Variants in THRB observed in about 807,000 individuals in gnomAD.
THRB encodes nuclear receptor subfamily 1 group A member 2.
In THRB, 12 loss-of-function variants were observed where a neutral mutation model predicts 47.8. That is an observed-to-expected ratio of 0.25 (90% CI 0.16 to 0.41). The LOEUF (loss-of-function observed/expected upper bound fraction) is 0.41. Ranked by LOEUF, THRB falls within the 10% of genes least tolerant of loss-of-function variation. The pLI, the probability that THRB is intolerant of heterozygous loss-of-function variation, is 1.00. For missense variants in THRB, 348 were observed against 589.2 expected (o/e 0.59, Z 4.24); for synonymous variants, 218 against 212.2 (o/e 1.03, Z -0.24).
intron 1 of THRB, among the ~76,000 whole-genome samples, chr3:24,391,762 T>C (rs1015116822): frequency 1.3e-5 from 2 of 152,154 alleles, no homozygotes. Flanking sequence ...TTCCCCCAAA[T>C]ACAACTGCCC....
intron 9 of THRB, among the ~76,000 whole-genome samples, chr3:24,129,731 G>C (rs768342590): frequency 6.6e-6 from 1 of 151,416 alleles, no homozygotes. Context: ...AGAGATGCAG[G>C]GATACTCCCA....
At chr3:24,154,163 C>T (rs1289341969) in intron 5 of THRB, among the ~76,000 whole-genome samples, 2 of 152,108 alleles carry the variant, frequency 1.3e-5, no homozygotes, top group African/African-American at 4.8e-5. Flanking sequence ...CACAGCTTTT[C>T]TTAGTTTACT....
intron 2 of THRB, among the ~76,000 whole-genome samples, chr3:24,302,553 T>C (rs2057021366): frequency 2.0e-5 from 3 of 152,334 alleles, no homozygotes; most frequent in South Asian, 4.1e-4. Flanking sequence ...TGGAATGTGC[T>C]TGTCACAGTT....
intron 4 of THRB, among the ~76,000 whole-genome samples, chr3:24,202,248 T>C (rs1488100131): frequency 6.6e-6 from 1 of 152,240 alleles, no homozygotes; most frequent in African/African-American, 2.4e-5. Flanking sequence ...ATGAGTCTTG[T>C]GATTCTTCAT....
intron 5 of THRB, among the ~76,000 whole-genome samples, chr3:24,176,603 AAAT>A (rs2041189104): frequency 6.6e-6 from 1 of 152,184 alleles, no homozygotes; most frequent in African/African-American, 2.4e-5. Flanking sequence ...AATGTTATAA[AAAT>A]AATAAAAGGT....
chr3:24,355,514 G>C (rs575307964), intron 1 of THRB, among the ~76,000 whole-genome samples: 1 of 152,252 alleles, frequency 6.6e-6, no homozygotes, highest in African/African-American at 2.4e-5. Context: ...TCCTGGGTTT[G>C]ATAACCAGCC....
At chr3:24,283,333 CA>C (rs1371176998) in intron 3 of THRB, among the ~76,000 whole-genome samples, 1 of 152,020 alleles carries the variant, frequency 6.6e-6, no homozygotes, top group Non-Finnish European at 1.5e-5. Context: ...AGACAAAAAC[CA>C]CGTGATTATC....
intron 1 of THRB, among the ~76,000 whole-genome samples, chr3:24,340,866 C>T (rs547573290): frequency 3.3e-5 from 5 of 152,128 alleles, no homozygotes; most frequent in African/African-American, 4.8e-5. Flanking sequence ...AGTTAGAATT[C>T]ACATATATCT....
intron 1 of THRB, among the ~76,000 whole-genome samples, chr3:24,464,767 C>T (rs1485227519): frequency 6.6e-6 from 1 of 152,130 alleles, no homozygotes; most frequent in Admixed American, 6.5e-5. Context: ...TGGAGTCAAA[C>T]ATTTTATTTC....
intron 2 of THRB, among the ~76,000 whole-genome samples, chr3:24,303,672 T>C (rs1335130502): frequency 6.6e-6 from 1 of 152,222 alleles, no homozygotes; most frequent in Non-Finnish European, 1.5e-5. Flanking sequence ...AATTGATACA[T>C]TCTCTTACGT....
chr3:24,308,394 T>C (rs1402651903), intron 2 of THRB, among the ~76,000 whole-genome samples: 9 of 152,196 alleles, frequency 5.9e-5, no homozygotes, highest in African/African-American at 2.2e-4. Context: ...GTTTTAAGTG[T>C]CTTTGCCAAG....
intron 2 of THRB, among the ~76,000 whole-genome samples, chr3:24,300,577 A>G (rs1321351891): frequency 6.6e-6 from 1 of 152,190 alleles, no homozygotes; most frequent in African/African-American, 2.4e-5. Context: ...TGGGTCATAT[A>G]TGATATCTCC....
chr3:24,141,314 C>T (rs912360506), intron 8 of THRB, among the ~76,000 whole-genome samples: 1 of 152,196 alleles, frequency 6.6e-6, no homozygotes, highest in African/African-American at 2.4e-5. Flanking sequence ...ATTGTGACCA[C>T]ACAGCACGAA....
rs555129883 is a variant in THRB, at chr3:24,235,210, A to G, written c.-42-6209T>C. Among the ~76,000 whole-genome samples the G allele has an allele frequency of 6.6e-5, 10 of 152,348 alleles. No individual in the cohort carries two copies. The South Asian group carries it at 1.7e-3, about 25-fold the overall frequency. On this transcript the variant is annotated intron_variant, in intron 3 of 10. Coordinates refer to ENST00000646209, the MANE Select transcript of THRB (RefSeq NM_001354712.2). ...GGTCACAAGGCTAGACCAGTGCCAG[A>G]GAGAACACCTCCACTCCTTCTTGTA... is the stretch of plus-strand genomic sequence containing the variant.
chr3:24,240,165 T>G (rs11129141), intron 3 of THRB, among the ~76,000 whole-genome samples: 51,228 of 151,962 alleles, frequency 0.34, 8,736 homozygotes, highest in East Asian at 0.56. Context: ...TCACTCTTTG[T>G]GAGACCATGG....
At chr3:24,316,159 A>G (rs1275579679) in intron 2 of THRB, among the ~76,000 whole-genome samples, 1 of 152,178 alleles carries the variant, frequency 6.6e-6, no homozygotes, top group Non-Finnish European at 1.5e-5. Flanking sequence ...GAAGTCTTAC[A>G]TAAACCTGAC....
chr3:24,189,876 T>A, intron 5 of THRB, 198 bp downstream of exon 5: 1 of 593,022 alleles, frequency 1.7e-6, no homozygotes, highest in East Asian at 2.9e-5. Flanking sequence ...CGAAACAAGC[T>A]GCCTTTCTTT....
intron 3 of THRB, among the ~76,000 whole-genome samples, chr3:24,254,162 G>A (rs1186864963): frequency 1.6e-5 from 2 of 124,226 alleles, no homozygotes; most frequent in Non-Finnish European, 1.6e-5. Flanking sequence ...AGGAGATCGA[G>A]ACCATCCTGG....
intron 2 of THRB, among the ~76,000 whole-genome samples, chr3:24,302,684 A>G (rs1287470825): frequency 6.6e-6 from 1 of 152,220 alleles, no homozygotes; most frequent in Admixed American, 6.5e-5. Context: ...CATCCAGTCC[A>G]TCGGCTAAGC....
Sources: allele counts gnomAD v4.1 joint callset (sites outside exome capture counted in the v4.1 genomes callset), GRCh38; gene constraint gnomAD v4.1.1; transcripts MANE v1.5; gene names NCBI Gene and HGNC (gene_info 2026-07-23, HGNC 2026-07-21).